The following CAMTA1 variants were observed in gnomAD, a reference collection of about 807,000 sequenced individuals.
CAMTA1 encodes calmodulin binding transcription activator 1.
CAMTA1 carries 27 observed loss-of-function variants against 170.9 expected under a neutral mutation model. The ratio of observed to expected loss-of-function variants is 0.16; its 90% CI spans 0.12 to 0.22. The LOEUF (loss-of-function observed/expected upper bound fraction) is 0.22. Among genes scored for constraint, CAMTA1 ranks in the 10% least tolerant of loss-of-function variants. CAMTA1 has a pLI of 1.00. For missense variants in CAMTA1, 1,619 were observed against 2,217.2 expected (o/e 0.73, Z 5.42); for synonymous variants, 833 against 891.5 (o/e 0.93, Z 1.17).
At chr1:6,931,204 C>T (rs1684355309) in intron 3 of CAMTA1, among the ~76,000 whole-genome samples, 3 of 152,168 alleles carry the variant, frequency 2.0e-5, no homozygotes, top group Admixed American at 2.0e-4. Context: ...TAAAATGTGC[C>T]TGTGGGTGTG....
chr1:7,598,707 T>C (rs1362608603), intron 6 of CAMTA1, among the ~76,000 whole-genome samples: 9 of 152,278 alleles, frequency 5.9e-5, no homozygotes, highest in Non-Finnish European at 1.2e-4. Context: ...AGCATTTTTT[T>C]CATGTGTCTT....
chr1:7,002,907 T>G (rs538290821), intron 3 of CAMTA1, among the ~76,000 whole-genome samples: 50 of 152,190 alleles, frequency 3.3e-4, no homozygotes, highest in African/African-American at 1.1e-3. Flanking sequence ...TCCCCAAACC[T>G]GTAATGGCCA....
intron 4 of CAMTA1, among the ~76,000 whole-genome samples, chr1:7,190,585 A>G (rs1335911382): frequency 2.0e-5 from 3 of 152,218 alleles, no homozygotes; most frequent in African/African-American, 4.8e-5. Context: ...GGGAATTTCA[A>G]TTTTTACTTG....
Position 6,971,968 on chromosome 1 carries a change from G to A in CAMTA1, c.235-119336G>A, listed in dbSNP as rs936039679. ...GTTGGCCTTGTGTTCTGGACAGGCC[G>A]TGAGCAGGAGACTGATCGTCTTGAT... is the stretch of plus-strand genomic sequence containing the variant. On this transcript the variant is annotated intron_variant, in intron 3 of 22. Coordinates refer to ENST00000303635, the MANE Select transcript of CAMTA1 (RefSeq NM_015215.4). The surrounding 1 kb of genome is among the most constrained non-coding windows in gnomAD (Gnocchi z 4.6). Among the ~76,000 whole-genome samples, 1 of 152,240 alleles carries A rather than the reference G, an allele frequency of 6.6e-6. No homozygotes were observed. Among genetic ancestry groups the A allele is most frequent in the Non-Finnish European group, 1.5e-5 (1 of 68,038 alleles).
At chr1:7,619,130 A>G (rs984719113) in intron 6 of CAMTA1, among the ~76,000 whole-genome samples, 1 of 152,230 alleles carries the variant, frequency 6.6e-6, no homozygotes. Flanking sequence ...TATGAGACCC[A>G]GTCCATAGGA....
At chr1:7,661,194 AG>A (rs1203214360) in intron 7 of CAMTA1, among the ~76,000 whole-genome samples, 1 of 152,074 alleles carries the variant, frequency 6.6e-6, no homozygotes, top group Non-Finnish European at 1.5e-5. Flanking sequence ...TTTGGGGCAA[AG>A]AAGTCTGGTG....
intron 19 of CAMTA1, chr1:7,750,859 A>G: frequency 3.1e-6 from 1 of 320,538 alleles, no homozygotes; most frequent in South Asian, 3.0e-5. Context: ...GAAAATATTA[A>G]TCCGAAGCAT....
At chr1:7,469,983 G>C (rs1263206791) in intron 6 of CAMTA1, among the ~76,000 whole-genome samples, 1 of 152,332 alleles carries the variant, frequency 6.6e-6, no homozygotes, top group East Asian at 1.9e-4. Flanking sequence ...ACTGATTCAT[G>C]TGTGTCTGGT....
chr1:7,485,181 G>A (rs1303273855), intron 6 of CAMTA1, among the ~76,000 whole-genome samples: 2 of 152,162 alleles, frequency 1.3e-5, no homozygotes, highest in African/African-American at 4.8e-5. Context: ...TGGCCTCCCT[G>A]TGTCCCCTGA....
intron 6 of CAMTA1, among the ~76,000 whole-genome samples, chr1:7,557,559 T>C (rs2094896380): frequency 6.6e-6 from 1 of 152,242 alleles, no homozygotes; most frequent in Non-Finnish European, 1.5e-5. Flanking sequence ...AAAAACATAA[T>C]TTTCATTGCT....
At chr1:7,527,874 C>T (rs1275444216) in intron 6 of CAMTA1, among the ~76,000 whole-genome samples, 2 of 152,206 alleles carry the variant, frequency 1.3e-5, no homozygotes, top group African/African-American at 2.4e-5. Flanking sequence ...CAATCCCTGC[C>T]CTTTCTGGAA....
chr1:7,137,284 G>A (rs1645600479), intron 4 of CAMTA1, among the ~76,000 whole-genome samples: 1 of 152,050 alleles, frequency 6.6e-6, no homozygotes, highest in South Asian at 2.1e-4. Flanking sequence ...CCTTTCTCCT[G>A]AACTGTTGGT....
intron 4 of CAMTA1, among the ~76,000 whole-genome samples, chr1:7,095,044 A>G (rs970750628): frequency 1.3e-5 from 2 of 148,588 alleles, no homozygotes; most frequent in African/African-American, 5.0e-5. Flanking sequence ...GTTTAGTCTC[A>G]CCCCCACCCC....
intron 3 of CAMTA1, among the ~76,000 whole-genome samples, chr1:7,074,307 T>C (rs777771988): frequency 1.3e-5 from 2 of 152,240 alleles, no homozygotes; most frequent in Non-Finnish European, 2.9e-5. Flanking sequence ...ATTGCTTGTC[T>C]TGCAAAATGG....
rs190507223 is a variant in CAMTA1, at chr1:7,746,164, C to T, written c.4617+73C>T. On this transcript the variant is annotated intron_variant, in intron 18 of 22. Transcript: ENST00000303635. ...AGGACAGATGAAAGTCAGAATCATG[C>T]GAACAAAAACATTTACTATTTCTTT... is the stretch of plus-strand genomic sequence containing the variant. 946 of 1,506,572 alleles carry T rather than the reference C, an allele frequency of 6.3e-4. 9 individuals carry two copies. The African/African-American group carries it at 0.012, about 19-fold the overall frequency. 93.3% of individuals were successfully genotyped at this position (1,506,572 alleles called of 1,614,324 possible).
At chr1:7,725,381 G>A (rs1199131328) in intron 11 of CAMTA1, among the ~76,000 whole-genome samples, 3 of 152,346 alleles carry the variant, frequency 2.0e-5, no homozygotes, top group South Asian at 2.1e-4. Context: ...TACTTGATCC[G>A]TTGCAGACAG....
intron 6 of CAMTA1, among the ~76,000 whole-genome samples, chr1:7,533,199 C>T (rs1442000216): frequency 6.6e-6 from 1 of 152,140 alleles, no homozygotes; most frequent in Admixed American, 6.5e-5. Flanking sequence ...CTGCACGTGC[C>T]GGATGGGTCC....
intron 3 of CAMTA1, among the ~76,000 whole-genome samples, chr1:6,902,490 G>T (rs1342246613): frequency 6.6e-6 from 1 of 152,216 alleles, no homozygotes; most frequent in Non-Finnish European, 1.5e-5. Flanking sequence ...TTCTGGAAAA[G>T]CCAAAATTGT....
intron 3 of CAMTA1, among the ~76,000 whole-genome samples, chr1:6,896,946 A>G (rs1318613297): frequency 6.6e-6 from 1 of 152,194 alleles, no homozygotes; most frequent in Non-Finnish European, 1.5e-5. Context: ...GCAAGGAGAA[A>G]CAGTAACTTC....
Sources: gnomAD v4.1 joint callset for allele counts (sites outside exome capture counted in the v4.1 genomes callset) on GRCh38, gnomAD v4.1.1 for gene constraint, Gnocchi (gnomAD v3.1) non-coding constraint, MANE v1.5 for transcripts, NCBI Gene and HGNC (gene_info 2026-07-23, HGNC 2026-07-21) for gene names.